GNA11: variants seen among roughly 807,000 people sequenced by gnomAD.
The protein encoded by GNA11 is guanine nucleotide-binding protein subunit alpha-11.
GNA11 carries 8 observed loss-of-function variants against 38.2 expected under a neutral mutation model. That is an observed-to-expected ratio of 0.21 (90% CI 0.12 to 0.38). The LOEUF is 0.38. GNA11 is among the 10% of genes least tolerant of loss of function. The pLI, the probability that GNA11 is intolerant of heterozygous loss-of-function variation, is 1.00. For synonymous variants in GNA11, 211 were observed against 221.4 expected (o/e 0.95, Z 0.42); for missense variants, 268 against 516.3 (o/e 0.52, Z 4.66).
chr19:3,103,519 C>CGTTTTTTTTTT (rs1370578226), intron 1 of GNA11, among the ~76,000 whole-genome samples: 2 of 45,800 alleles, frequency 4.4e-5, no homozygotes, highest in African/African-American at 1.6e-4. Context: ...GGCCTTGAAT[C>CGTTTTTTTTTT]TTTTTTTTTT....
chr19:3,096,495 C>T (rs1193663608), intron 1 of GNA11, among the ~76,000 whole-genome samples: 1 of 152,212 alleles, frequency 6.6e-6, no homozygotes, highest in African/African-American at 2.4e-5. Flanking sequence ...GAACCCCCGC[C>T]GCCATCCCTG....
intron 1 of GNA11, among the ~76,000 whole-genome samples, chr19:3,106,119 A>G (rs1913633556): frequency 6.6e-6 from 1 of 152,086 alleles, no homozygotes; most frequent in Non-Finnish European, 1.5e-5. Flanking sequence ...GGGTGGAGCC[A>G]TGTGGGCTGA....
chr19:3,098,298 C>T (rs543481374), intron 1 of GNA11, among the ~76,000 whole-genome samples: 45 of 152,344 alleles, frequency 3.0e-4, no homozygotes, highest in Non-Finnish European at 5.6e-4. Flanking sequence ...CCGTCCGCGC[C>T]GCCGCCATCC....
rs1913743109 is a variant in GNA11 at position 3,110,392 on chromosome 19, G to A, written c.321+59G>A. 1.4e-6 allele frequency: 2 copies of A among 1,420,394 alleles called. No homozygotes were observed. The highest frequency in any genetic ancestry group is 1.4e-5 in the African/African-American group (1 of 70,414). 88.0% of individuals were successfully genotyped at this position (1,420,394 alleles called of 1,614,324 possible). On this transcript the variant is annotated intron_variant, in intron 2 of 6. Coordinates refer to ENST00000078429, the MANE Select transcript of GNA11 (RefSeq NM_002067.5). This position sits in a 1 kb window ranked among gnomAD's most constrained non-coding sequence, Gnocchi z 5.4. ...TGGGCAGCTGTGGGCTTGGTGGTGA[G>A]CATGGTGGCCGCGCTGCCAGGGTGG...
rs2145330664 is a variant in GNA11 at position 3,121,969 on chromosome 19, A to G, written c.*790A>G. 1 of 233,130 alleles carries G rather than the reference A, an allele frequency of 4.3e-6. No homozygotes were observed. Among genetic ancestry groups the G allele is most frequent in the Non-Finnish European group, 8.5e-6 (1 of 117,856 alleles). 14.4% of individuals were successfully genotyped at this position (233,130 alleles called of 1,614,324 possible). ...TGGGAAGGGTCCCCGGGCTGGAGCC[A>G]CGGGGGCTTCTCTGGGCTGTGCCTC... On this transcript the variant is annotated 3_prime_UTR_variant, in exon 7 of 7. Transcript: ENST00000078429.
In GNA11 at chr19:3,097,518, C is replaced by T. The variant is rs1037521625; in HGVS notation, c.136+2731C>T. ...TCTGGGGCAGCAGGGCTCCAGGGCC[C>T]TGCCCTGACTCCTGGGTTTGCAACC... On this transcript the variant is annotated intron_variant, in intron 1 of 6. Transcript: ENST00000078429. Among the ~76,000 whole-genome samples, 3 of 152,220 alleles carry T rather than the reference C, an allele frequency of 2.0e-5. No homozygotes were observed. The South Asian group carries it at 6.2e-4, about 31-fold the overall frequency.
chr19:3,120,897 A>T lies in GNA11; in HGVS notation c.890-92A>T. On this transcript the variant is annotated intron_variant, in intron 6 of 6. Coordinates refer to ENST00000078429, the MANE Select transcript of GNA11 (RefSeq NM_002067.5). The surrounding 1 kb of genome is among the most constrained non-coding windows in gnomAD (Gnocchi z 5.9). ...TCGAGCTGGGTGGGCCGTGGGCCTT[A>T]CTCGCTCATCCCCTGGGAGTGACAA... 2 of 925,820 alleles carry T rather than the reference A, an allele frequency of 2.2e-6. No individual in the cohort carries two copies. The highest frequency in any genetic ancestry group is 3.3e-6 in the Non-Finnish European group (2 of 608,284). The allele number at this position is 925,820 out of a possible 1,614,324, so 57.4% of individuals were successfully genotyped here. A position where few individuals can be genotyped will look rare whatever the true frequency, so the allele number is the denominator to read the frequency against.
rs900230948 is a variant in GNA11, at chr19:3,122,283, C to T, written c.*1104C>T. The T allele has an allele frequency of 1.7e-5, 4 of 232,614 alleles. No individual in the cohort carries two copies. The highest frequency in any genetic ancestry group is 5.6e-5 in the Admixed American group (1 of 17,772). 14.4% of individuals were successfully genotyped at this position (232,614 alleles called of 1,614,324 possible). On this transcript the variant is annotated 3_prime_UTR_variant, in exon 7 of 7. Transcript: ENST00000078429. This position sits in a 1 kb window ranked among gnomAD's most constrained non-coding sequence, Gnocchi z 7.7. ...GAGGGACGTGGCCGGCAGCTCTGTG[C>T]GTGGCCTTGTCCCAAGCACTTGCGC...
intron 3 of GNA11, among the ~76,000 whole-genome samples, chr19:3,114,222 C>T (rs1913850151): frequency 2.0e-5 from 3 of 152,172 alleles, no homozygotes; most frequent in South Asian, 2.1e-4. Flanking sequence ...AGGGCCTCCT[C>T]GCGGTGCCGG....
rs991224051 is a variant in GNA11, at chr19:3,121,290, C to T, written c.*111C>T. 26 of 702,562 alleles carry T rather than the reference C, an allele frequency of 3.7e-5. No individual in the cohort carries two copies. Among genetic ancestry groups the T allele is most frequent in the Admixed American group, 1.8e-4 (6 of 33,208 alleles). The allele number at this position is 702,562 out of a possible 1,614,324, so 43.5% of individuals were successfully genotyped here. A position where few individuals can be genotyped will look rare whatever the true frequency, so the allele number is the denominator to read the frequency against. ...CCGAGTCCGGGCCGGGGCCTCTGCC[C>T]GCGGGAGGAGATTTTTTTTTTTCAT... On this transcript the variant is annotated 3_prime_UTR_variant, in exon 7 of 7. Transcript: ENST00000078429.
At chr19:3,097,627 G>A (rs1173023011) in intron 1 of GNA11, among the ~76,000 whole-genome samples, 3 of 152,244 alleles carry the variant, frequency 2.0e-5, no homozygotes, top group Non-Finnish European at 2.9e-5. Context: ...CTGTGAGGTC[G>A]GTCAGCCTGG....
At chr19:3,118,696 G>A (rs761932528) in intron 4 of GNA11, 43 of 512,600 alleles carry the variant, frequency 8.4e-5, no homozygotes, top group Non-Finnish European at 1.2e-4. Context: ...TGGGCCCAGT[G>A]GTCTCAGGCC....
chr19:3,122,401 C>CAGCTTCCAGGCCTGGCT lies in GNA11; in HGVS notation c.*1223_*1239dup. On this transcript the variant is annotated 3_prime_UTR_variant, in exon 7 of 7. Coordinates refer to ENST00000078429, the MANE Select transcript of GNA11 (RefSeq NM_002067.5). The surrounding 1 kb of genome is among the most constrained non-coding windows in gnomAD (Gnocchi z 7.7). ...AGGTGGTGGCAGGCACCGGCCTGGG[C>CAGCTTCCAGGCCTGGCT]AGCTTCCAGGCCTGGCTGGCCACGA... 4.3e-6 allele frequency: 1 copy of CAGCTTCCAGGCCTGGCT among 231,400 alleles called. No homozygotes were observed. Among genetic ancestry groups the CAGCTTCCAGGCCTGGCT allele is most frequent in the Admixed American group, 5.6e-5 (1 of 17,722 alleles). 14.3% of individuals were successfully genotyped at this position (231,400 alleles called of 1,614,324 possible). A position where few individuals can be genotyped will look rare whatever the true frequency, so the allele number is the denominator to read the frequency against.
In GNA11 at chr19:3,120,269, G is replaced by A. The variant is rs536020439; in HGVS notation, c.890-720G>A. 6.2e-3 allele frequency among the ~76,000 whole-genome samples: 948 copies of A among 151,694 alleles called. 6 individuals are homozygous for A. The highest frequency in any genetic ancestry group is 9.7e-3 in the Non-Finnish European group (660 of 67,776). On this transcript the variant is annotated intron_variant, in intron 6 of 6. Coordinates refer to ENST00000078429, the MANE Select transcript of GNA11 (RefSeq NM_002067.5). The surrounding 1 kb of genome is among the most constrained non-coding windows in gnomAD (Gnocchi z 5.9). ...TGCTGTCCCTGGGCAGGGGAGTGGC[G>A]GGGGGCGCTGCACCTGCTCCAGCCG...
At chr19:3,095,610 C>A (rs1913344871) in intron 1 of GNA11, among the ~76,000 whole-genome samples, 1 of 151,994 alleles carries the variant, frequency 6.6e-6, no homozygotes, top group South Asian at 2.1e-4. Flanking sequence ...TTCCGGGAAA[C>A]CCCGTACTCC....
At chr19:3,107,109 G>A (rs1913658375) in intron 1 of GNA11, among the ~76,000 whole-genome samples, 1 of 152,168 alleles carries the variant, frequency 6.6e-6, no homozygotes, top group Non-Finnish European at 1.5e-5. Flanking sequence ...GGTGGCGCAT[G>A]CCTGTAGTCC....
chr19:3,116,735 G>C (rs1203576016), intron 4 of GNA11, among the ~76,000 whole-genome samples: 1 of 152,218 alleles, frequency 6.6e-6, no homozygotes. Context: ...TCCGGTTGCG[G>C]GTGCCTTCTC....
rs1913696870 is a variant in GNA11 at position 3,108,828 on chromosome 19, GGCTGGACTGGA to G, written c.137-1314_137-1304del. Reference sequence around the variant, plus strand: ...CCAAGCAGGGGCCACATCATTTGAAGGCTGGACTGGAGCTGGAGGAGCCACTCACAAGTTGG... The same window carrying G: ...CCAAGCAGGGGCCACATCATTTGAAGGCTGGAGGAGCCACTCACAAGTTGG... On this transcript the variant is annotated intron_variant, in intron 1 of 6. Coordinates refer to ENST00000078429, the MANE Select transcript of GNA11 (RefSeq NM_002067.5). This position sits in a 1 kb window ranked among gnomAD's most constrained non-coding sequence, Gnocchi z 4.5. Among the ~76,000 whole-genome samples the G allele has an allele frequency of 6.6e-6, 1 of 152,150 alleles. No individual in the cohort carries two copies. The highest frequency in any genetic ancestry group is 2.4e-5 in the African/African-American group (1 of 41,430).
At chr19:3,114,794 CG>C (rs1913865184) in intron 3 of GNA11, 149 bp from the exon 4 acceptor site, 1 of 696,016 alleles carries the variant, frequency 1.4e-6, no homozygotes, top group Non-Finnish European at 2.4e-6. Context: ...CCGAGCCCTC[CG>C]GGCTGCTTCA....
Sources: allele counts gnomAD v4.1 joint callset (sites outside exome capture counted in the v4.1 genomes callset), GRCh38; gene constraint gnomAD v4.1.1; non-coding constraint Gnocchi (gnomAD v3.1); transcripts MANE v1.5; gene names NCBI Gene and HGNC (gene_info 2026-07-23, HGNC 2026-07-21).